Variants in UBN1 observed in about 807,000 individuals in gnomAD.
UBN1 encodes the protein ubinuclein-1.
UBN1 carries 17 observed loss-of-function variants against 108.5 expected under a neutral mutation model. The observed-to-expected ratio is 0.16, with a 90% CI of 0.11 to 0.24. The LOEUF is 0.24. Ranked by LOEUF, UBN1 falls within the 10% of genes least tolerant of loss-of-function variation. The pLI is 1.00. For missense variants in UBN1, 1,595 were observed against 1,394.4 expected, an observed-to-expected ratio of 1.14 and a Z score of -2.29; for synonymous variants, 726 against 564.2, an observed-to-expected ratio of 1.29 and a Z score of -4.07.
intron 8 of UBN1, among the ~76,000 whole-genome samples, chr16:4,869,648 A>G (rs541019432): frequency 1.7e-4 from 26 of 152,206 alleles, no homozygotes; most frequent in Non-Finnish European, 2.9e-4. Flanking sequence ...AGGAAGTGTG[A>G]GCTGCAGAGA....
Position 4,859,167 on chromosome 16 carries a change from T to A in UBN1, c.567+8T>A. ...AAGAAAAAATCTCCAAAGGTTAGAA[T>A]GTGCTTGCTTTTGGATTTCAGAAAT... On this transcript the variant is annotated splice_region_variant and intron_variant, in intron 5 of 17. Coordinates refer to ENST00000262376, the MANE Select transcript of UBN1 (RefSeq NM_001079514.3). 6.2e-7 allele frequency: 1 copy of A among 1,609,760 alleles called. No individual in the cohort carries two copies. Among genetic ancestry groups the A allele is most frequent in the East Asian group, 2.2e-5 (1 of 44,878 alleles).
intron 2 of UBN1, among the ~76,000 whole-genome samples, chr16:4,857,106 C>T (rs1389930584): frequency 6.6e-6 from 1 of 151,956 alleles, no homozygotes; most frequent in African/African-American, 2.4e-5. Flanking sequence ...CTTTGGGAGG[C>T]TGAGATGGGC....
At chr16:4,879,766 G>A (rs1245798642) in intron 17 of UBN1, among the ~76,000 whole-genome samples, 1 of 152,194 alleles carries the variant, frequency 6.6e-6, no homozygotes, top group Admixed American at 6.5e-5. Flanking sequence ...CTGTGTGATC[G>A]TCAGGCCTCG....
At chr16:4,879,965 C>T in intron 17 of UBN1, 118 bp from the exon 18 acceptor site, 1 of 1,082,544 alleles carries the variant, frequency 9.2e-7, no homozygotes, top group Non-Finnish European at 1.4e-6. Context: ...CTCTAGAACA[C>T]TCAGCATTTG....
intron 7 of UBN1, among the ~76,000 whole-genome samples, chr16:4,867,012 T>C (rs1321584536): frequency 6.6e-6 from 1 of 152,172 alleles, no homozygotes; most frequent in Non-Finnish European, 1.5e-5. Flanking sequence ...GCCGGCCTCC[T>C]GGGGAAGATG....
intron 2 of UBN1, among the ~76,000 whole-genome samples, chr16:4,853,583 A>T (rs1342367088): frequency 6.8e-6 from 1 of 147,976 alleles, no homozygotes; most frequent in African/African-American, 2.5e-5. Flanking sequence ...TTCGAGACCG[A>T]GTCTCGCCCT....
chr16:4,868,948 T>A, intron 8 of UBN1, 45 bp downstream of exon 8: 2 of 1,608,540 alleles, frequency 1.2e-6, no homozygotes, highest in Non-Finnish European at 1.7e-6. Context: ...TTTCTGCTAT[T>A]ACTGAGCTTG....
intron 8 of UBN1, among the ~76,000 whole-genome samples, chr16:4,869,393 G>C (rs946499330): frequency 6.6e-6 from 1 of 152,258 alleles, no homozygotes; most frequent in Non-Finnish European, 1.5e-5. Context: ...GAGCCTCTGA[G>C]ACACCACGCT....
rs962690435 is a variant in UBN1, at chr16:4,881,494, A to C, written c.*1362A>C. 6.6e-6 allele frequency: 1 copy of C among 152,292 alleles called. No homozygotes were observed. The highest frequency in any genetic ancestry group is 1.9e-4 in the East Asian group (1 of 5,172). The allele number at this position is 152,292 out of a possible 1,614,324, so 9.4% of individuals were successfully genotyped here. ...AACTGACTGCTCCAGCTAAGTGATC[A>C]GGCACGTTGAGAGTATACGGTGTCC... is the stretch of plus-strand genomic sequence containing the variant. On this transcript the variant is annotated 3_prime_UTR_variant, in exon 18 of 18. Coordinates refer to ENST00000262376, the MANE Select transcript of UBN1 (RefSeq NM_001079514.3).
rs74003526 is a variant in UBN1, at chr16:4,870,386, G to T, written c.1311+45G>T. 2,228 of 1,611,790 alleles carry T rather than the reference G, an allele frequency of 1.4e-3. 20 individuals carry two copies. In the African/African-American group the frequency reaches 0.027, roughly 19 times the overall value. On this transcript the variant is annotated intron_variant, in intron 9 of 17. Coordinates refer to ENST00000262376, the MANE Select transcript of UBN1 (RefSeq NM_001079514.3). ...AGCCCTTTGGCTTTGGGGTCCTGGC[G>T]GAGGGGTGACTGAGTCTTAAGCAAT...
chr16:4,871,925 G>A (rs2087662348), intron 12 of UBN1, among the ~76,000 whole-genome samples: 1 of 152,166 alleles, frequency 6.6e-6, no homozygotes, highest in Non-Finnish European at 1.5e-5. Flanking sequence ...ATGAGCATTT[G>A]AGAGATGGGT....
At chr16:4,878,437 G>T (rs1443425554) in intron 17 of UBN1, among the ~76,000 whole-genome samples, 2 of 152,200 alleles carry the variant, frequency 1.3e-5, no homozygotes, top group African/African-American at 4.8e-5. Flanking sequence ...TCTGCCTCAT[G>T]ATGTGCTGTG....
intron 8 of UBN1, 58 bp downstream of exon 8, chr16:4,868,961 G>T: frequency 6.3e-7 from 1 of 1,594,380 alleles, no homozygotes; most frequent in South Asian, 1.1e-5. Context: ...TGAGCTTGGG[G>T]CAAGCCAGCT....
Position 4,874,894 on chromosome 16 carries a change from A to G in UBN1, c.2484A>G (p.Gln828=), listed in dbSNP as rs6500638. The change falls in exon 15 of 18, where the codon CAA becomes CAG. Residue 828 remains glutamine (Q), a synonymous_variant. Transcript: ENST00000262376. ...CATCTCCATTTGCCAATAAGCTCCA[A>G]GGCCCAAAGGCTTCTCCCACACAGT... is the stretch of plus-strand genomic sequence containing the variant. ...TPPSPFANKL[Q]GPKASPTQCH... 0.014 allele frequency: 22,647 copies of G among 1,614,054 alleles called. 2,667 individuals are homozygous for G. The African/African-American group carries it at 0.26, about 18-fold the overall frequency.
Position 4,870,324 on chromosome 16 carries a change from C to T in UBN1, c.1294C>T (p.Leu432Phe). 2 of 1,614,174 alleles carry T rather than the reference C, an allele frequency of 1.2e-6. No individual in the cohort carries two copies. Among genetic ancestry groups the T allele is most frequent in the Non-Finnish European group, 1.7e-6 (2 of 1,180,026 alleles). The change falls in exon 9 of 18, where the codon CTT (leucine) becomes TTT (phenylalanine). Residue 432 changes from leucine to phenylalanine, a missense_variant. By Grantham distance (22) the Leu-to-Phe change is conservative (BLOSUM62 0). This residue lies in a region of UBN1 where 1,398 missense variants were observed against 1,194.7 expected (regional missense o/e 1.17). Transcript: ENST00000262376. Reference sequence around the variant, plus strand: ...TGCCCTGCTCAAGCGTGCTCGGAAACTTCACCTCTATGAACAGGTGGGTGA... The same window carrying T: ...TGCCCTGCTCAAGCGTGCTCGGAAATTTCACCTCTATGAACAGGTGGGTGA... The part of the protein sequence containing the change: ...KDALLKRARK[L>F]HLYEQGGRLK...
chr16:4,856,526 C>T (rs1312225972), intron 2 of UBN1, among the ~76,000 whole-genome samples: 3 of 152,114 alleles, frequency 2.0e-5, no homozygotes, highest in Admixed American at 1.3e-4. Flanking sequence ...ATGGTACCAC[C>T]GCAGGTAACA....
At position 4,860,898 on chromosome 16, in the gene UBN1, C is replaced by T. The variant is rs1212193263; in HGVS notation, c.906C>T (p.Leu302=). The change falls in exon 7 of 18, where the codon CTC becomes CTT. Residue 302 remains leucine (L), a synonymous_variant. Coordinates refer to ENST00000262376, the MANE Select transcript of UBN1 (RefSeq NM_001079514.3). The stretch of plus-strand genomic sequence containing the variant: ...GCTCTACTTCTGACAACGACTTGCT[C>T]CAGGCGGCCACTGCCATGGACTCGC... ...LFGSTSDNDL[L]QAATAMDSLT... 5.0e-6 allele frequency: 8 copies of T among 1,614,148 alleles called. No individual in the cohort carries two copies. The highest frequency in any genetic ancestry group is 6.8e-6 in the Non-Finnish European group (8 of 1,180,056).
Position 4,870,581 on chromosome 16 carries a change from G to A in UBN1, c.1377G>A (p.Gln459=). Reference sequence around the variant, plus strand: ...CCATTGGCAGGGCGATGCCAGAGCAGATGGCCAAGTACCAGGACGAATGCC... The same window carrying A: ...CCATTGGCAGGGCGATGCCAGAGCAAATGGCCAAGTACCAGGACGAATGCC... ...KEAIGRAMPE[Q]MAKYQDECQA... The change falls in exon 10 of 18, where the codon CAG becomes CAA. Residue 459 remains glutamine (Q), a synonymous_variant. Coordinates refer to ENST00000262376, the MANE Select transcript of UBN1 (RefSeq NM_001079514.3). 1 of 1,614,262 alleles carries A rather than the reference G, an allele frequency of 6.2e-7. No homozygotes were observed. The highest frequency in any genetic ancestry group is 8.5e-7 in the Non-Finnish European group (1 of 1,180,048).
chr16:4,859,150 A>G lies in UBN1; in HGVS notation c.558A>G (p.Lys186=), dbSNP rs1275234093. ...ACTTCATTAAAGAAAAGAAGAAAAA[A>G]TCTCCAAAGGTTAGAATGTGCTTGC... The part of the protein sequence containing the change: ...EDDFIKEKKK[K]SPKKRKLKEG... Residue 186 remains lysine, a synonymous_variant, in exon 5 of 18, where the codon AAA becomes AAG. Coordinates refer to ENST00000262376, the MANE Select transcript of UBN1 (RefSeq NM_001079514.3). 6.2e-7 allele frequency: 1 copy of G among 1,613,382 alleles called. No individual in the cohort carries two copies. Among genetic ancestry groups the G allele is most frequent in the Non-Finnish European group, 8.5e-7 (1 of 1,179,904 alleles).
Sources: gnomAD v4.1 joint callset for allele counts (sites outside exome capture counted in the v4.1 genomes callset) on GRCh38, gnomAD v4.1.1 for gene constraint, gnomAD v4.1.1 regional missense constraint, MANE v1.5 for transcripts, NCBI Gene and HGNC (gene_info 2026-07-23, HGNC 2026-07-21) for gene names.